Variants in SLC16A7 observed in about 807,000 individuals in gnomAD.
SLC16A7 encodes the protein monocarboxylate transporter 2.
SLC16A7 carries 33 observed loss-of-function variants against 34.9 expected under a neutral mutation model. The observed-to-expected ratio is 0.94, with a 90% CI of 0.72 to 1.26. The LOEUF is 1.26. Ranked by LOEUF, SLC16A7 falls within the 50% of genes most tolerant of loss-of-function variation. The pLI is 0.00. For synonymous variants in SLC16A7, 201 were observed against 206.6 expected, an observed-to-expected ratio of 0.97 and a Z score of 0.23; for missense variants, 573 against 578.1, an observed-to-expected ratio of 0.99 and a Z score of 0.09.
intron 2 of SLC16A7, among the ~76,000 whole-genome samples, chr12:59,688,893 T>G (rs1251076366): frequency 1.3e-5 from 2 of 151,948 alleles, no homozygotes; most frequent in African/African-American, 4.8e-5. Context: ...TTAGGGCAAA[T>G]AAGTAAATGT....
chr12:59,650,026 A>C (rs1235542924), intron 1 of SLC16A7, among the ~76,000 whole-genome samples: 1 of 152,096 alleles, frequency 6.6e-6, no homozygotes, highest in Non-Finnish European at 1.5e-5. Flanking sequence ...TCACTTTTTC[A>C]AGGCATTGCA....
intron 2 of SLC16A7, among the ~76,000 whole-genome samples, chr12:59,656,601 A>G (rs904777978): frequency 4.6e-5 from 7 of 151,954 alleles, no homozygotes; most frequent in Non-Finnish European, 1.0e-4. Context: ...TAAGATAACA[A>G]ATTTGTGCTG....
chr12:59,643,545 A>G (rs1880779110), intron 1 of SLC16A7, among the ~76,000 whole-genome samples: 2 of 152,230 alleles, frequency 1.3e-5, no homozygotes, highest in South Asian at 4.1e-4. Flanking sequence ...AAACAACTGT[A>G]TAATGACAAT....
chr12:59,721,028 G>A (rs1469571385), intron 3 of SLC16A7, among the ~76,000 whole-genome samples: 23 of 152,022 alleles, frequency 1.5e-4, no homozygotes, highest in Admixed American at 1.5e-3. Context: ...ATGGCAGAAT[G>A]TAAACCACAC....
chr12:59,749,948 A>C (rs1362121448), intron 3 of SLC16A7, among the ~76,000 whole-genome samples: 3 of 152,228 alleles, frequency 2.0e-5, no homozygotes, highest in Non-Finnish European at 2.9e-5. Context: ...CACATAGAAG[A>C]AGCAGGGCAA....
At chr12:59,637,860 T>C (rs1360988511) in intron 1 of SLC16A7, among the ~76,000 whole-genome samples, 4 of 152,094 alleles carry the variant, frequency 2.6e-5, no homozygotes, top group African/African-American at 9.7e-5. Flanking sequence ...CCTGTGAAAG[T>C]TGGCTTGCTA....
chr12:59,763,702 C>A (rs968957958), intron 3 of SLC16A7, among the ~76,000 whole-genome samples: 1 of 152,126 alleles, frequency 6.6e-6, no homozygotes, highest in African/African-American at 2.4e-5. Context: ...GCAACCCTGC[C>A]TTCAGAAACT....
In SLC16A7 at chr12:59,704,423, GT is replaced by G. The variant is rs1873305994; in HGVS notation, c.-30-348del. On this transcript the variant is annotated intron_variant, in intron 2 of 5. Coordinates refer to ENST00000547379, the MANE Select transcript of SLC16A7 (RefSeq NM_001270623.2). ...TCAATTAATGAGGTTAAAACAACTG[GT>G]GATTGAAGTAGAATATGTATCAGAT... Among the ~76,000 whole-genome samples, 3 of 152,148 alleles carry G rather than the reference GT, an allele frequency of 2.0e-5. No homozygotes were observed. In the East Asian group the frequency reaches 5.8e-4, roughly 29 times the overall value.
Position 59,694,074 on chromosome 12 carries a change from A to G in SLC16A7, c.-30-10698A>G, listed in dbSNP as rs138375404. The stretch of plus-strand genomic sequence containing the variant: ...AACATTGTTTATTTTTATGCACCCT[A>G]TTACAAGTAAAGCCAATCATAAATC... On this transcript the variant is annotated intron_variant, in intron 2 of 5. Transcript: ENST00000547379. Among the ~76,000 whole-genome samples, 214 of 152,118 alleles carry G rather than the reference A, an allele frequency of 1.4e-3. 1 individual carries two copies. Among genetic ancestry groups the G allele is most frequent in the Middle Eastern group, 6.8e-3 (2 of 294 alleles).
At chr12:59,754,070 C>G (rs529120080) in intron 3 of SLC16A7, among the ~76,000 whole-genome samples, 1 of 152,062 alleles carries the variant, frequency 6.6e-6, no homozygotes, top group Non-Finnish European at 1.5e-5. Context: ...AGAACAAAGA[C>G]GCAACATACC....
At chr12:59,757,682 CT>C (rs1880545729) in intron 3 of SLC16A7, among the ~76,000 whole-genome samples, 1 of 152,106 alleles carries the variant, frequency 6.6e-6, no homozygotes, top group African/African-American at 2.4e-5. Context: ...CCCCTTCCAC[CT>C]CCTCCACCTC....
At chr12:59,750,263 T>C (rs758296764) in intron 3 of SLC16A7, among the ~76,000 whole-genome samples, 5 of 152,170 alleles carry the variant, frequency 3.3e-5, no homozygotes, top group African/African-American at 1.2e-4. Context: ...GAAACTATCA[T>C]CAGAGTGAAC....
intron 2 of SLC16A7, among the ~76,000 whole-genome samples, chr12:59,690,927 C>T (rs1360504179): frequency 6.6e-6 from 1 of 151,440 alleles, no homozygotes; most frequent in Non-Finnish European, 1.5e-5. Context: ...AGGAGAAAAT[C>T]ATTAGAAAAA....
At chr12:59,733,974 G>A (rs1006077570) in intron 3 of SLC16A7, 1 of 374,434 alleles carries the variant, frequency 2.7e-6, no homozygotes, top group Admixed American at 3.1e-5. Context: ...AAGGGAGGAA[G>A]TGCATGCTGA....
At chr12:59,767,542 A>T (rs759161896) in intron 3 of SLC16A7, among the ~76,000 whole-genome samples, 16 of 152,118 alleles carry the variant, frequency 1.1e-4, no homozygotes, top group Admixed American at 8.5e-4. Flanking sequence ...CTTAATAATT[A>T]TGCCAAATCT....
At chr12:59,741,973 T>C (rs1878400004) in intron 3 of SLC16A7, among the ~76,000 whole-genome samples, 2 of 152,076 alleles carry the variant, frequency 1.3e-5, no homozygotes, top group South Asian at 4.1e-4. Context: ...TATTAAAAAG[T>C]TTTACAGCAG....
At chr12:59,662,324 A>C (rs560684730) in intron 2 of SLC16A7, among the ~76,000 whole-genome samples, 1 of 152,236 alleles carries the variant, frequency 6.6e-6, no homozygotes, top group South Asian at 2.1e-4. Flanking sequence ...CCAAGAACTT[A>C]TTGTCATGTT....
At chr12:59,738,029 T>C (rs1358222995) in intron 3 of SLC16A7, among the ~76,000 whole-genome samples, 4 of 152,226 alleles carry the variant, frequency 2.6e-5, no homozygotes, top group Non-Finnish European at 5.9e-5. Flanking sequence ...ATAAGATTTA[T>C]ATTAAATTAT....
At chr12:59,736,790 G>A (rs372024852) in intron 3 of SLC16A7, among the ~76,000 whole-genome samples, 1 of 152,032 alleles carries the variant, frequency 6.6e-6, no homozygotes, top group African/African-American at 2.4e-5. Flanking sequence ...TCCTCCTTAT[G>A]CATAACTTCC....
Sources: gnomAD v4.1 joint callset for allele counts (sites outside exome capture counted in the v4.1 genomes callset) on GRCh38, gnomAD v4.1.1 for gene constraint, MANE v1.5 for transcripts, NCBI Gene and HGNC (gene_info 2026-07-23, HGNC 2026-07-21) for gene names.